The following ATXN1 variants were observed in gnomAD, a reference collection of about 807,000 sequenced individuals.
ATXN1 encodes ataxin-1.
ATXN1 carries 8 observed loss-of-function variants against 56.4 expected under a neutral mutation model. That is an observed-to-expected ratio of 0.14 (90% confidence interval 0.08 to 0.26). The LOEUF (loss-of-function observed/expected upper bound fraction) is 0.26, where lower values mean the gene tolerates loss of function less well. Ranked by LOEUF, ATXN1 falls within the 10% of genes least tolerant of loss-of-function variation. The probability of loss-of-function intolerance (pLI) is 1.00; values close to 1 mark genes in which losing one functional copy is unlikely to be tolerated. For synonymous variants in ATXN1, 514 were observed against 494.6 expected, an observed-to-expected ratio of 1.04 and a Z score of -0.52; for missense variants, 987 against 1,106.5, an observed-to-expected ratio of 0.89 and a Z score of 1.53.
chr6:16,554,759 T>G (rs1402964635), intron 4 of ATXN1, among the ~76,000 whole-genome samples: 2 of 152,098 alleles, frequency 1.3e-5, no homozygotes, highest in Non-Finnish European at 2.9e-5. Flanking sequence ...CGGCTAATTT[T>G]TTTGTATTTT....
At chr6:16,433,061 G>C (rs532287449) in intron 6 of ATXN1, 2 of 152,234 alleles carry the variant, frequency 1.3e-5, no homozygotes, top group Admixed American at 6.5e-5. Context: ...AATAGGTTAT[G>C]GGTTTTGTAT....
At chr6:16,564,924 G>A (rs1392213431) in intron 4 of ATXN1, among the ~76,000 whole-genome samples, 1 of 152,088 alleles carries the variant, frequency 6.6e-6, no homozygotes, top group African/African-American at 2.4e-5. Context: ...TCTTCCCTGG[G>A]TGAGGGTCTT....
In ATXN1 at chr6:16,550,155, C is replaced by CA. The variant is rs70999336; in HGVS notation, c.-360-27468dup. ...TAAAGTAAAATAAATAAATAAAATA[C>CA]AAAAAAAAAAAAAAAAAAAGAATAG... On this transcript the variant is annotated intron_variant, in intron 4 of 7. Transcript: ENST00000436367. Among the ~76,000 whole-genome samples the CA allele has an allele frequency of 2.4e-3, 223 of 91,166 alleles. 4 individuals carry two copies. Among genetic ancestry groups the CA allele is most frequent in the African/African-American group, 3.1e-3 (68 of 22,264 alleles). 59.8% of individuals were successfully genotyped at this position (91,166 alleles called of 152,430 possible).
At position 16,722,686 on chromosome 6, in the gene ATXN1, G is replaced by A. The variant is rs144149858; in HGVS notation, c.-615+30547C>T. On this transcript the variant is annotated intron_variant, in intron 2 of 7. Coordinates refer to ENST00000436367, the MANE Select transcript of ATXN1 (RefSeq NM_001128164.2). ...ATATGTCAAATTATAAAGTCTCTGA[G>A]TCATGATAGTAATCAAACCTGAGTC... Among the ~76,000 whole-genome samples the A allele has an allele frequency of 9.8e-5, 15 of 152,310 alleles. No individual in the cohort carries two copies. In the East Asian group the frequency reaches 2.9e-3, roughly 29 times the overall value.
chr6:16,600,275 C>T lies in ATXN1; in HGVS notation c.-488-14368G>A, dbSNP rs151268207. ...ACCACAAACCAATAAAAGCATCATC[C>T]GGTGCTTCTCAAAGCCAAAGGAAAT... is the stretch of plus-strand genomic sequence containing the variant. On this transcript the variant is annotated intron_variant, in intron 3 of 7. Transcript: ENST00000436367. Among the ~76,000 whole-genome samples the T allele has an allele frequency of 4.1e-4, 63 of 152,228 alleles. No individual in the cohort carries two copies. The East Asian group carries it at 7.5e-3, about 18-fold the overall frequency.
intron 3 of ATXN1, chr6:16,615,457 G>A (rs2113795117): frequency 6.9e-6 from 1 of 145,434 alleles, no homozygotes; most frequent in South Asian, 2.4e-4. Context: ...GACAATTGGT[G>A]CACTCAGCTC....
chr6:16,323,886 G>T (rs1760742653), intron 7 of ATXN1, among the ~76,000 whole-genome samples: 1 of 152,106 alleles, frequency 6.6e-6, no homozygotes, highest in African/African-American at 2.4e-5. Flanking sequence ...CTACAGAGGG[G>T]TAGTGAGCTG....
chr6:16,739,169 TAAAAAAAA>T (rs35693428), intron 2 of ATXN1: 13 of 118,364 alleles, frequency 1.1e-4, no homozygotes, highest in African/African-American at 3.7e-4. Context: ...TACGACTTGT[TAAAAAAAA>T]AAAAAAAAAA....
Position 16,535,504 on chromosome 6 carries a change from A to G in ATXN1, c.-360-12816T>C, listed in dbSNP as rs73368722. ...GAACTAAAACAACCAGAGCAACAAA[A>G]TAAACAACATAGTACTGGATTAGAA... On this transcript the variant is annotated intron_variant, in intron 4 of 7. Transcript: ENST00000436367. 6.9e-3 allele frequency among the ~76,000 whole-genome samples: 1,055 copies of G among 152,346 alleles called. 9 individuals are homozygous for G. Among genetic ancestry groups the G allele is most frequent in the African/African-American group, 0.024 (1,007 of 41,578 alleles).
intron 6 of ATXN1, among the ~76,000 whole-genome samples, chr6:16,458,824 G>T (rs906920030): frequency 6.6e-6 from 1 of 152,214 alleles, no homozygotes; most frequent in Non-Finnish European, 1.5e-5. Context: ...GAGGACAAAG[G>T]TTCTCCGGGC....
intron 6 of ATXN1, among the ~76,000 whole-genome samples, chr6:16,340,941 A>G (rs560476842): frequency 1.3e-5 from 2 of 152,336 alleles, no homozygotes; most frequent in East Asian, 3.9e-4. Context: ...AATCTCCCCA[A>G]TGGCACATAC....
intron 2 of ATXN1, among the ~76,000 whole-genome samples, chr6:16,729,631 C>A (rs1759922949): frequency 1.3e-5 from 2 of 152,342 alleles, no homozygotes; most frequent in Middle Eastern, 3.4e-3. Flanking sequence ...TGCAATCCAG[C>A]CATCCAACCC....
rs6903850 is a variant in ATXN1, at chr6:16,685,835, G to A, written c.-614-27934C>T. Reference sequence around the variant, plus strand: ...ACAAAGCAAAGACATTCATTTTATCGTTCAATAAATTATTTTAAGAGCAGA... The same window carrying A: ...ACAAAGCAAAGACATTCATTTTATCATTCAATAAATTATTTTAAGAGCAGA... On this transcript the variant is annotated intron_variant, in intron 2 of 7. Coordinates refer to ENST00000436367, the MANE Select transcript of ATXN1 (RefSeq NM_001128164.2). Among the ~76,000 whole-genome samples the A allele has an allele frequency of 7.2e-5, 11 of 152,006 alleles. 1 individual carries two copies. Among genetic ancestry groups the A allele is most frequent in the Middle Eastern group, 3.4e-3 (1 of 294 alleles).
intron 4 of ATXN1, among the ~76,000 whole-genome samples, chr6:16,579,183 G>A (rs575770361): frequency 1.3e-5 from 2 of 152,286 alleles, no homozygotes; most frequent in South Asian, 4.1e-4. Flanking sequence ...TGAACAGAGT[G>A]TTTTTGTTTT....
At chr6:16,617,050 T>C (rs968216646) in intron 3 of ATXN1, among the ~76,000 whole-genome samples, 2 of 152,110 alleles carry the variant, frequency 1.3e-5, no homozygotes, top group Non-Finnish European at 2.9e-5. Context: ...ACAATCTATA[T>C]AGGGTTTGGT....
intron 6 of ATXN1, among the ~76,000 whole-genome samples, chr6:16,465,423 C>G (rs902852074): frequency 6.6e-6 from 1 of 152,210 alleles, no homozygotes; most frequent in Non-Finnish European, 1.5e-5. Context: ...TGCCACTGCA[C>G]TCCAGCCTGG....
chr6:16,353,544 T>G lies in ATXN1; in HGVS notation c.-160-25074A>C, dbSNP rs150935647. On this transcript the variant is annotated intron_variant, in intron 6 of 7. Coordinates refer to ENST00000436367, the MANE Select transcript of ATXN1 (RefSeq NM_001128164.2). The stretch of plus-strand genomic sequence containing the variant: ...CAAAAATTAGCCAGGCATGGTGGCT[T>G]GTGCCTGTAATCCCTGCTACTCAGG... 3.9e-5 allele frequency among the ~76,000 whole-genome samples: 6 copies of G among 152,168 alleles called. No individual in the cohort carries two copies. In the East Asian group the frequency reaches 1.2e-3, roughly 29 times the overall value.
chr6:16,471,168 T>C (rs1311585754), intron 6 of ATXN1, among the ~76,000 whole-genome samples: 1 of 150,422 alleles, frequency 6.6e-6, no homozygotes, highest in Admixed American at 6.7e-5. Context: ...CTCCCTGCTA[T>C]CTGAAAGACT....
intron 2 of ATXN1, among the ~76,000 whole-genome samples, chr6:16,669,667 C>CTTTTTTTTTTTTTTTT (rs11356086): frequency 8.8e-6 from 1 of 113,132 alleles, no homozygotes; most frequent in African/African-American, 3.3e-5. Context: ...ACTGAACAAT[C>CTTTTTTTTTTTTTTTT]TTTTTTTTTT....
Sources: allele counts gnomAD v4.1 joint callset (sites outside exome capture counted in the v4.1 genomes callset), GRCh38; gene constraint gnomAD v4.1.1; transcripts MANE v1.5; gene names NCBI Gene and HGNC (gene_info 2026-07-23, HGNC 2026-07-21).